The following CAMTA1 variants were observed in gnomAD, a reference collection of about 807,000 sequenced individuals.
The protein encoded by CAMTA1 is calmodulin-binding transcription activator 1.
Under a neutral mutation model 170.9 loss-of-function variants are expected in CAMTA1, and 27 were observed. The ratio of observed to expected loss-of-function variants is 0.16; its 90% CI spans 0.12 to 0.22. CAMTA1 has a LOEUF of 0.22. Ranked by LOEUF, CAMTA1 falls within the 10% of genes least tolerant of loss-of-function variation. The probability of loss-of-function intolerance (pLI) is 1.00; values close to 1 mark genes in which losing one functional copy is unlikely to be tolerated. For missense variants in CAMTA1, 1,619 were observed against 2,217.2 expected (o/e 0.73, Z 5.42); for synonymous variants, 833 against 891.5 (o/e 0.93, Z 1.17).
chr1:6,908,781 C>T (rs976822480), intron 3 of CAMTA1, among the ~76,000 whole-genome samples: 5 of 152,196 alleles, frequency 3.3e-5, no homozygotes, highest in East Asian at 1.9e-4. Flanking sequence ...CTCCTGGCTT[C>T]GCCTCCCCTG....
At chr1:6,815,734 A>T (rs1645721237) in intron 1 of CAMTA1, among the ~76,000 whole-genome samples, 1 of 152,184 alleles carries the variant, frequency 6.6e-6, no homozygotes, top group Non-Finnish European at 1.5e-5. Context: ...TAGTTTGATC[A>T]TCTGGTTTCT....
intron 1 of CAMTA1, among the ~76,000 whole-genome samples, chr1:6,809,890 A>G (rs776697521): frequency 3.3e-5 from 5 of 152,184 alleles, no homozygotes; most frequent in African/African-American, 7.2e-5. Context: ...GGTTTTGTCA[A>G]TTCGATAATG....
chr1:7,531,524 C>G (rs924197466), intron 6 of CAMTA1, among the ~76,000 whole-genome samples: 9 of 152,188 alleles, frequency 5.9e-5, no homozygotes, highest in Admixed American at 5.9e-4. Context: ...GGAGAGGAAC[C>G]CCAAGTCCAG....
intron 6 of CAMTA1, among the ~76,000 whole-genome samples, chr1:7,471,420 G>A (rs1470498947): frequency 6.6e-6 from 1 of 152,248 alleles, no homozygotes; most frequent in Non-Finnish European, 1.5e-5. Context: ...CCTGAGCTCA[G>A]CCCACTCCAG....
chr1:7,768,548 T>G lies in CAMTA1; in HGVS notation c.*2057T>G, dbSNP rs773388145. On this transcript the variant is annotated 3_prime_UTR_variant, in exon 23 of 23. Coordinates refer to ENST00000303635, the MANE Select transcript of CAMTA1 (RefSeq NM_015215.4). ...GGAAGGAAGGTAGATACAAAAAGAT[T>G]GTGGTAAAAACTGGGGTCAGTGCTC... The G allele has an allele frequency of 6.5e-6, 1 of 152,764 alleles. No individual in the cohort carries two copies. The highest frequency in any genetic ancestry group is 1.5e-5 in the Non-Finnish European group (1 of 68,036). The allele number at this position is 152,764 out of a possible 1,614,324, so 9.5% of individuals were successfully genotyped here.
At chr1:7,558,882 T>G (rs562331463) in intron 6 of CAMTA1, among the ~76,000 whole-genome samples, 1 of 152,392 alleles carries the variant, frequency 6.6e-6, no homozygotes, top group East Asian at 1.9e-4. Context: ...TAATTGGATT[T>G]TTTTAATTAA....
intron 4 of CAMTA1, among the ~76,000 whole-genome samples, chr1:7,236,900 A>G (rs937846543): frequency 2.0e-5 from 3 of 152,220 alleles, no homozygotes; most frequent in Non-Finnish European, 2.9e-5. Context: ...TCATTTTCCA[A>G]CTGCCCACTG....
intron 5 of CAMTA1, among the ~76,000 whole-genome samples, chr1:7,259,210 G>A (rs1368885066): frequency 6.6e-6 from 1 of 152,182 alleles, no homozygotes; most frequent in African/African-American, 2.4e-5. Context: ...GGGAAAGCAG[G>A]TGATTTCATG....
intron 22 of CAMTA1, among the ~76,000 whole-genome samples, chr1:7,763,439 C>T (rs1450360084): frequency 6.6e-6 from 1 of 152,216 alleles, no homozygotes; most frequent in Non-Finnish European, 1.5e-5. Flanking sequence ...GCATTGTTCT[C>T]ATTTTTCCTG....
Position 7,665,760 on chromosome 1 carries a change from C to T in CAMTA1, c.2652+561C>T, listed in dbSNP as rs1180099746. 6.6e-6 allele frequency among the ~76,000 whole-genome samples: 1 copy of T among 152,010 alleles called. No individual in the cohort carries two copies. The highest frequency in any genetic ancestry group is 1.5e-5 in the Non-Finnish European group (1 of 67,990). On this transcript the variant is annotated intron_variant, in intron 9 of 22. Coordinates refer to ENST00000303635, the MANE Select transcript of CAMTA1 (RefSeq NM_015215.4). The surrounding 1 kb of genome is among the most constrained non-coding windows in gnomAD (Gnocchi z 4.3). ...AGGGTATCCTTGGAAGCAAAATGCT[C>T]CCCCAGCTCCAGCCAGAGTCGTCTG...
intron 4 of CAMTA1, among the ~76,000 whole-genome samples, chr1:7,147,198 A>G (rs1334509777): frequency 2.0e-5 from 3 of 152,136 alleles, no homozygotes; most frequent in Non-Finnish European, 4.4e-5. Context: ...AGGTGGGCAG[A>G]TCACAAGGTC....
chr1:7,613,957 G>A (rs1425393668), intron 6 of CAMTA1, among the ~76,000 whole-genome samples: 1 of 146,678 alleles, frequency 6.8e-6, no homozygotes, highest in African/African-American at 2.5e-5. Context: ...CTGGAGGGGT[G>A]AGGAGAGGAG....
intron 1 of CAMTA1, 75 bp downstream of exon 1, chr1:6,785,650 C>A: frequency 1.2e-6 from 1 of 817,484 alleles, no homozygotes; most frequent in Non-Finnish European, 1.5e-6. Context: ...ACATCCCGGG[C>A]ATCGGCGGCG....
intron 3 of CAMTA1, among the ~76,000 whole-genome samples, chr1:6,953,482 TC>T (rs1688870366): frequency 6.6e-6 from 1 of 152,238 alleles, no homozygotes; most frequent in African/African-American, 2.4e-5. Context: ...TGGGTCTGGA[TC>T]CCACCTAGCA....
intron 7 of CAMTA1, among the ~76,000 whole-genome samples, chr1:7,654,252 A>C (rs1034569024): frequency 6.6e-6 from 1 of 151,956 alleles, no homozygotes; most frequent in Non-Finnish European, 1.5e-5. Context: ...GTGGTGGCGC[A>C]CACCTGTAGT....
chr1:7,751,115 C>T (rs1277516804), intron 19 of CAMTA1, 84 bp from the exon 20 acceptor site: 1 of 1,095,556 alleles, frequency 9.1e-7, no homozygotes, highest in Non-Finnish European at 1.3e-6. Context: ...ATTTTCTCTT[C>T]TTCCCTTCCC....
intron 5 of CAMTA1, among the ~76,000 whole-genome samples, chr1:7,449,770 A>C (rs1262959709): frequency 2.1e-5 from 1 of 47,714 alleles, no homozygotes; most frequent in African/African-American, 8.4e-5. Flanking sequence ...ACTCGGTCTC[A>C]AAAAAAAAAA....
chr1:7,247,223 G>T (rs1007008572), intron 4 of CAMTA1, among the ~76,000 whole-genome samples: 2 of 152,222 alleles, frequency 1.3e-5, no homozygotes, highest in African/African-American at 4.8e-5. Context: ...ATTGTATCCT[G>T]CTGAAAGTGC....
intron 4 of CAMTA1, among the ~76,000 whole-genome samples, chr1:7,220,216 A>G (rs1415740267): frequency 6.6e-6 from 1 of 152,150 alleles, no homozygotes; most frequent in East Asian, 1.9e-4. Context: ...GGGGGTCAAG[A>G]ATGTTTGTGA....
Sources: allele counts gnomAD v4.1 joint callset (sites outside exome capture counted in the v4.1 genomes callset), GRCh38; gene constraint gnomAD v4.1.1; non-coding constraint Gnocchi (gnomAD v3.1); transcripts MANE v1.5; gene names NCBI Gene and HGNC (gene_info 2026-07-23, HGNC 2026-07-21).